The following JPH2 variants were observed in gnomAD, a reference collection of about 807,000 sequenced individuals.
The protein encoded by JPH2 is junctophilin 2.
A neutral mutation model predicts 55.9 loss-of-function variants in JPH2; 38 were observed. The observed-to-expected ratio is 0.68, with a 90% CI of 0.52 to 0.89. JPH2 has a LOEUF of 0.89. Among genes scored for constraint, JPH2 ranks in the 40% least tolerant of loss-of-function variants. JPH2 has a pLI of 0.00. For synonymous variants in JPH2, 480 were observed against 472.4 expected (o/e 1.02, Z -0.21); for missense variants, 964 against 1,037.6 (o/e 0.93, Z 0.97).
chr20:44,170,828 A>T (rs557945298), intron 1 of JPH2, among the ~76,000 whole-genome samples: 1 of 152,358 alleles, frequency 6.6e-6, no homozygotes, highest in South Asian at 2.1e-4. Context: ...ATCCTAACAG[A>T]TACAGGCATC....
Position 44,133,815 on chromosome 20 carries a change from G to A in JPH2, c.1170-15192C>T, listed in dbSNP as rs1024169975. On this transcript the variant is annotated intron_variant, in intron 2 of 5. Transcript: ENST00000372980. ...CATGACTGAGATGTAGGCAGGGGGCGATATAAATAAATATATACTTATTAT... is the reference window on the plus strand; with the variant it reads ...CATGACTGAGATGTAGGCAGGGGGCAATATAAATAAATATATACTTATTAT... Among the ~76,000 whole-genome samples the A allele has an allele frequency of 2.2e-5, 3 of 137,630 alleles. No individual in the cohort carries two copies. The Admixed American group carries it at 2.5e-4, about 12-fold the overall frequency. The allele number at this position is 137,630 out of a possible 152,430, so 90.3% of individuals were successfully genotyped here.
rs1162090571 is a variant in JPH2 at position 44,115,936 on chromosome 20, G to T, written c.1739C>A (p.Pro580His). The T allele has an allele frequency of 2.5e-6, 4 of 1,570,460 alleles. No homozygotes were observed. In the Admixed American group the frequency reaches 5.4e-5, roughly 21 times the overall value. Residue 580 changes from proline (P) to histidine (H), a missense_variant, in exon 4 of 6, where the codon CCC (proline) becomes CAC (histidine). Pro to His is a moderately conservative substitution (Grantham distance 77). Transcript: ENST00000372980. ...AVRTTPPEPPPFEDQPEPEVS... is the reference protein window; with the variant it reads ...AVRTTPPEPPHFEDQPEPEVS... Reference sequence around the variant, plus strand: ...CTCGGGCTCGGGCTGGTCCTCAAAGGGTGGGGGCTCGGGCGGCGTGGTGCG... The same window carrying T: ...CTCGGGCTCGGGCTGGTCCTCAAAGTGTGGGGGCTCGGGCGGCGTGGTGCG...
chr20:44,111,889 C>G lies in JPH2; in HGVS notation c.*1629G>C, dbSNP rs988561509. 1.3e-5 allele frequency: 2 copies of G among 152,666 alleles called. No individual in the cohort carries two copies. Among genetic ancestry groups the G allele is most frequent in the Admixed American group, 6.6e-5 (1 of 15,266 alleles). 9.5% of individuals were successfully genotyped at this position (152,666 alleles called of 1,614,324 possible). ...CGAGACGGAGCCCGTCAGCACAGAG[C>G]AGTGGCCCCGCCCCATTCCCCTCAT... On this transcript the variant is annotated 3_prime_UTR_variant, in exon 6 of 6. Transcript: ENST00000372980.
intron 2 of JPH2, among the ~76,000 whole-genome samples, chr20:44,153,523 C>T (rs930641396): frequency 1.3e-5 from 2 of 152,154 alleles, no homozygotes; most frequent in Non-Finnish European, 2.9e-5. Flanking sequence ...GTTTCCAGAG[C>T]CAGCATGGGG....
chr20:44,167,354 T>C (rs1297513502), intron 1 of JPH2, among the ~76,000 whole-genome samples: 1 of 152,194 alleles, frequency 6.6e-6, no homozygotes, highest in Non-Finnish European at 1.5e-5. Context: ...CCCAAGGAAA[T>C]CCTCGGTAAG....
intron 2 of JPH2, among the ~76,000 whole-genome samples, chr20:44,131,396 C>A (rs371382173): frequency 6.9e-6 from 1 of 145,658 alleles, no homozygotes; most frequent in Admixed American, 6.8e-5. Flanking sequence ...AAGAGAGACC[C>A]TGAGCCAGAG....
intron 2 of JPH2, among the ~76,000 whole-genome samples, chr20:44,134,169 T>TTATTATAAATATATAAA (rs1265303304): frequency 7.0e-5 from 2 of 28,536 alleles, no homozygotes; most frequent in African/African-American, 1.5e-4. Flanking sequence ...ATATAAATAT[T>TTATTATAAATATATAAA]TATTATAAAT....
chr20:44,142,974 G>A (rs1335766884), intron 2 of JPH2, among the ~76,000 whole-genome samples: 6 of 152,088 alleles, frequency 3.9e-5, no homozygotes, highest in African/African-American at 1.4e-4. Context: ...GGAGCCGGGG[G>A]CACATAAAAC....
At chr20:44,118,976 C>A (rs2072214837) in intron 2 of JPH2, among the ~76,000 whole-genome samples, 1 of 152,190 alleles carries the variant, frequency 6.6e-6, no homozygotes, top group South Asian at 2.1e-4. Context: ...TGGTTGAATG[C>A]AGAGCAGGCT....
intron 5 of JPH2, among the ~76,000 whole-genome samples, chr20:44,113,869 T>G (rs7274414): frequency 0.1 from 15,858 of 152,250 alleles, 915 homozygotes; most frequent in Non-Finnish European, 0.13. Context: ...ACATGGAACC[T>G]GCAGAGCTCA....
rs753442824 is a variant in JPH2 at position 44,159,913 on chromosome 20, T to G, written c.874A>C (p.Met292Leu). The G allele has an allele frequency of 2.5e-6, 4 of 1,612,290 alleles. No individual in the cohort carries two copies. Among genetic ancestry groups the G allele is most frequent in the Non-Finnish European group, 3.4e-6 (4 of 1,179,634 alleles). Residue 292 changes from methionine to leucine, a missense_variant, in exon 2 of 6, where the codon ATG becomes CTG. Coordinates refer to ENST00000372980, the MANE Select transcript of JPH2 (RefSeq NM_020433.5). This position sits in a 1 kb window ranked among gnomAD's most constrained non-coding sequence, Gnocchi z 5.7. ...DIDATTTETYMGEWKNDKRSG... is the reference protein window; with the variant it reads ...DIDATTTETYLGEWKNDKRSG... Reference sequence around the variant, plus strand: ...CGTTTGTCGTTCTTCCACTCGCCCATGTAGGTCTCGGTGGTGGTGGCGTCG... The same window carrying G: ...CGTTTGTCGTTCTTCCACTCGCCCAGGTAGGTCTCGGTGGTGGTGGCGTCG...
intron 2 of JPH2, among the ~76,000 whole-genome samples, chr20:44,124,928 C>T (rs374986384): frequency 2.0e-5 from 3 of 151,948 alleles, no homozygotes; most frequent in East Asian, 3.9e-4. Flanking sequence ...GCCAACATGC[C>T]GAAACCCTGT....
rs1197530646 is a variant in JPH2, at chr20:44,186,486, T to C, written c.220A>G (p.Ile74Val). Residue 74 changes from isoleucine (I) to valine (V), a missense_variant, in exon 1 of 6, where the codon ATA becomes GTA. Coordinates refer to ENST00000372980, the MANE Select transcript of JPH2 (RefSeq NM_020433.5). ...TAGAGCCAGCGCCCCTTGGTCTCTATGCCCAGCCCATGCCGTTTGCCCTGG... is the reference window on the plus strand; with the variant it reads ...TAGAGCCAGCGCCCCTTGGTCTCTACGCCCAGCCCATGCCGTTTGCCCTGG... ...WSQGKRHGLG[I>V]ETKGRWLYKG... The C allele has an allele frequency of 1.4e-5, 22 of 1,614,050 alleles. No homozygotes were observed. Among genetic ancestry groups the C allele is most frequent in the Non-Finnish European group, 1.8e-5 (21 of 1,180,036 alleles).
At chr20:44,116,849 G>A (rs2072196924) in intron 3 of JPH2, among the ~76,000 whole-genome samples, 1 of 152,244 alleles carries the variant, frequency 6.6e-6, no homozygotes, top group Non-Finnish European at 1.5e-5. Flanking sequence ...CCAGCAGGGG[G>A]AGCGCTGTGA....
intron 1 of JPH2, among the ~76,000 whole-genome samples, chr20:44,169,878 C>CT (rs1489771476): frequency 1.3e-5 from 2 of 152,144 alleles, no homozygotes; most frequent in African/African-American, 2.4e-5. Flanking sequence ...AGCTAGCACA[C>CT]TCGGCCCTCT....
intron 2 of JPH2, among the ~76,000 whole-genome samples, chr20:44,134,255 A>AAATATAT (rs2072363096): frequency 8.7e-5 from 2 of 22,966 alleles, no homozygotes; most frequent in African/African-American, 2.0e-4. Flanking sequence ...AAATACATAT[A>AAATATAT]AATAAATATT....
chr20:44,129,463 G>A (rs954971600), intron 2 of JPH2, among the ~76,000 whole-genome samples: 10 of 149,932 alleles, frequency 6.7e-5, no homozygotes, highest in Non-Finnish European at 1.2e-4. Context: ...GCTGAGACAG[G>A]AGAATTGCTT....
intron 2 of JPH2, among the ~76,000 whole-genome samples, chr20:44,126,865 T>C (rs1294796842): frequency 1.3e-5 from 2 of 152,232 alleles, no homozygotes; most frequent in Non-Finnish European, 2.9e-5. Flanking sequence ...CACCATCATC[T>C]AGATATCTGA....
At chr20:44,126,168 G>GAGGAAGGGAGGAAGGAAGGAAGGA (rs2072274981) in intron 2 of JPH2, among the ~76,000 whole-genome samples, 1 of 36,334 alleles carries the variant, frequency 2.8e-5, no homozygotes, top group African/African-American at 1.1e-4. Flanking sequence ...GGGAGGGAGG[G>GAGGAAGGGAGGAAGGAAGGAAGGA]AGGAAGGAAG....
Sources: allele counts gnomAD v4.1 joint callset (sites outside exome capture counted in the v4.1 genomes callset), GRCh38; gene constraint gnomAD v4.1.1; non-coding constraint Gnocchi (gnomAD v3.1); transcripts MANE v1.5; gene names NCBI Gene and HGNC (gene_info 2026-07-23, HGNC 2026-07-21).